The following SRBD1 variants were observed in gnomAD, a reference collection of about 807,000 sequenced individuals.
The protein encoded by SRBD1 is S1 RNA-binding domain-containing protein 1.
In SRBD1, 88 loss-of-function variants were observed where a neutral mutation model predicts 115.3. That is an observed-to-expected ratio of 0.76 (90% CI 0.64 to 0.91). The LOEUF is 0.91. SRBD1 is among the 40% of genes least tolerant of loss of function. The pLI is 0.00. For synonymous variants in SRBD1, 509 were observed against 407.7 expected (o/e 1.25, Z -2.99); for missense variants, 1,385 against 1,177.4 (o/e 1.18, Z -2.58).
chr2:45,527,779 C>A (rs1671493861), intron 14 of SRBD1, among the ~76,000 whole-genome samples: 1 of 151,816 alleles, frequency 6.6e-6, no homozygotes, highest in African/African-American at 2.4e-5. Flanking sequence ...AAGGATGAAG[C>A]TATAATTTGA....
chr2:45,596,346 T>G (rs1277362365), intron 4 of SRBD1, among the ~76,000 whole-genome samples: 4 of 152,186 alleles, frequency 2.6e-5, no homozygotes, highest in Admixed American at 2.6e-4. Context: ...TTTAGTGACA[T>G]TACAGAACGC....
intron 18 of SRBD1, among the ~76,000 whole-genome samples, chr2:45,417,462 C>T (rs1242568519): frequency 6.6e-6 from 1 of 152,174 alleles, no homozygotes; most frequent in Non-Finnish European, 1.5e-5. Flanking sequence ...CAAAAGCAAA[C>T]TGTTTAATTT....
At chr2:45,530,593 GAC>G (rs1671580857) in intron 14 of SRBD1, among the ~76,000 whole-genome samples, 1 of 151,968 alleles carries the variant, frequency 6.6e-6, no homozygotes, top group Non-Finnish European at 1.5e-5. Flanking sequence ...AATTATTAAA[GAC>G]ACACATCCTA....
intron 12 of SRBD1, among the ~76,000 whole-genome samples, chr2:45,549,702 A>C (rs1672235871): frequency 6.7e-6 from 1 of 148,264 alleles, no homozygotes; most frequent in South Asian, 2.1e-4. Flanking sequence ...AATACAAAAA[A>C]AAAAAAAAAA....
intron 14 of SRBD1, among the ~76,000 whole-genome samples, chr2:45,508,601 T>C (rs1670867783): frequency 6.6e-6 from 1 of 152,124 alleles, no homozygotes; most frequent in South Asian, 2.1e-4. Context: ...ATCACACACA[T>C]GGAGTCATAT....
rs1294546328 is a variant in SRBD1, at chr2:45,534,481, A to G, written c.1874+12251T>C. ...CATCATCTCAAGCCATCACTGTAGA[A>G]AGAAATGAGAAATTTAAATAACACA... On this transcript the variant is annotated intron_variant, in intron 14 of 20. Coordinates refer to ENST00000263736, the MANE Select transcript of SRBD1 (RefSeq NM_018079.5). Among the ~76,000 whole-genome samples the G allele has an allele frequency of 2.0e-5, 3 of 152,080 alleles. No homozygotes were observed. In the East Asian group the frequency reaches 5.8e-4, roughly 29 times the overall value.
intron 16 of SRBD1, among the ~76,000 whole-genome samples, chr2:45,456,230 T>C (rs1459949074): frequency 6.6e-6 from 1 of 151,784 alleles, no homozygotes; most frequent in African/African-American, 2.4e-5. Context: ...CAGGAAAGAA[T>C]GAAACAATTA....
intron 4 of SRBD1, among the ~76,000 whole-genome samples, chr2:45,590,584 G>A (rs889674047): frequency 2.6e-5 from 4 of 152,112 alleles, no homozygotes; most frequent in Non-Finnish European, 4.4e-5. Flanking sequence ...AAGATATAAT[G>A]GTTTTGTAAG....
chr2:45,571,100 T>C (rs1368755057), intron 9 of SRBD1, among the ~76,000 whole-genome samples: 1 of 152,062 alleles, frequency 6.6e-6, no homozygotes, highest in East Asian at 1.9e-4. Context: ...GAGGGAACCT[T>C]AAGCTTTCAC....
intron 15 of SRBD1, among the ~76,000 whole-genome samples, chr2:45,480,520 AGAAGTGGAGCCT>A (rs1669929952): frequency 6.6e-6 from 1 of 152,220 alleles, no homozygotes; most frequent in African/African-American, 2.4e-5. Flanking sequence ...AACTAGAATT[AGAAGTGGAGCCT>A]GAAGATGTGA....
chr2:45,411,402 T>G (rs1187225716), intron 19 of SRBD1, among the ~76,000 whole-genome samples: 1 of 152,088 alleles, frequency 6.6e-6, no homozygotes, highest in Non-Finnish European at 1.5e-5. Flanking sequence ...CAATAAAAAA[T>G]AAGCTACTGG....
chr2:45,459,453 A>G (rs999195275), intron 16 of SRBD1, among the ~76,000 whole-genome samples: 1 of 151,788 alleles, frequency 6.6e-6, no homozygotes, highest in South Asian at 2.1e-4. Context: ...AAAGGAATGA[A>G]CATGCTTATA....
intron 4 of SRBD1, among the ~76,000 whole-genome samples, chr2:45,597,319 C>G (rs1673934099): frequency 6.6e-6 from 1 of 151,706 alleles, no homozygotes; most frequent in Non-Finnish European, 1.5e-5. Context: ...ACTCAGGAGG[C>G]TGAGGCAGGA....
At chr2:45,606,140 A>G (rs933504044) in intron 1 of SRBD1, among the ~76,000 whole-genome samples, 2 of 147,634 alleles carry the variant, frequency 1.4e-5, no homozygotes, top group Non-Finnish European at 3.0e-5. Context: ...CAAAGACAGA[A>G]ACATTTTTTT....
chr2:45,602,471 A>G (rs1014601401), intron 2 of SRBD1, among the ~76,000 whole-genome samples: 1 of 152,258 alleles, frequency 6.6e-6, no homozygotes, highest in South Asian at 2.1e-4. Flanking sequence ...GTTCCCAACT[A>G]CTAATCAAAT....
At chr2:45,535,402 C>G (rs768189946) in intron 14 of SRBD1, among the ~76,000 whole-genome samples, 3 of 152,032 alleles carry the variant, frequency 2.0e-5, no homozygotes, top group Non-Finnish European at 4.4e-5. Flanking sequence ...TTTCTACTGT[C>G]CCTTCCTACC....
At chr2:45,521,078 C>T (rs1488730417) in intron 14 of SRBD1, among the ~76,000 whole-genome samples, 6 of 152,130 alleles carry the variant, frequency 3.9e-5, no homozygotes, top group Non-Finnish European at 7.4e-5. Flanking sequence ...CATGCTCCCC[C>T]TCCCATAAGA....
chr2:45,513,945 C>T (rs553378087), intron 14 of SRBD1, among the ~76,000 whole-genome samples: 1 of 152,222 alleles, frequency 6.6e-6, no homozygotes, highest in Non-Finnish European at 1.5e-5. Context: ...GCATGGTGTG[C>T]TAGGACTTTG....
intron 16 of SRBD1, among the ~76,000 whole-genome samples, chr2:45,470,587 A>C (rs140204040): frequency 1.3e-5 from 2 of 152,314 alleles, no homozygotes; most frequent in African/African-American, 4.8e-5. Flanking sequence ...ACACAGTCCA[A>C]AGAAGAAAAA....
Sources: allele counts gnomAD v4.1 joint callset (sites outside exome capture counted in the v4.1 genomes callset), GRCh38; gene constraint gnomAD v4.1.1; transcripts MANE v1.5; gene names NCBI Gene and HGNC (gene_info 2026-07-23, HGNC 2026-07-21).